Variants in CORO2B observed in about 807,000 individuals in gnomAD.
The protein encoded by CORO2B is coronin 2B.
In CORO2B, 26 loss-of-function variants were observed where a neutral mutation model predicts 58.8. The observed-to-expected ratio is 0.44, with a 90% confidence interval of 0.32 to 0.61. The LOEUF (loss-of-function observed/expected upper bound fraction) is 0.61. Among genes scored for constraint, CORO2B ranks in the 20% least tolerant of loss-of-function variants. The probability of loss-of-function intolerance (pLI) is 0.04; values close to 1 mark genes in which losing one functional copy is unlikely to be tolerated. For missense variants in CORO2B, 460 were observed against 645.1 expected, an observed-to-expected ratio of 0.71 and a Z score of 3.11; for synonymous variants, 242 against 253.8, an observed-to-expected ratio of 0.95 and a Z score of 0.44.
chr15:68,720,321 T>C (rs1481753909), intron 11 of CORO2B, among the ~76,000 whole-genome samples: 1 of 152,206 alleles, frequency 6.6e-6, no homozygotes, highest in Non-Finnish European at 1.5e-5. Flanking sequence ...AATTCATAAG[T>C]GTCTAGCACT....
intron 1 of CORO2B, among the ~76,000 whole-genome samples, chr15:68,614,150 G>A (rs904024323): frequency 1.3e-5 from 2 of 152,196 alleles, no homozygotes; most frequent in Admixed American, 6.5e-5. Flanking sequence ...TAGAATATAT[G>A]TCTCTGTGCC....
chr15:68,570,688 A>T, the CORO2B span, among the ~76,000 whole-genome samples: 1 of 151,906 alleles, frequency 6.6e-6, no homozygotes, highest in Non-Finnish European at 1.5e-5. Flanking sequence ...CACTGAGGGG[A>T]ATAGTCAGTG....
intron 1 of CORO2B, among the ~76,000 whole-genome samples, chr15:68,583,355 T>C (rs937624899): frequency 3.3e-5 from 5 of 152,178 alleles, no homozygotes; most frequent in African/African-American, 1.2e-4. Context: ...AGTTGTAACT[T>C]GCCCAAAGTC....
chr15:68,624,769 T>A (rs908311290), intron 1 of CORO2B, among the ~76,000 whole-genome samples: 1 of 152,088 alleles, frequency 6.6e-6, no homozygotes, highest in African/African-American at 2.4e-5. Flanking sequence ...CTCGGCTCAC[T>A]GCAACCTCCA....
At chr15:68,611,787 T>C (rs1900254560) in intron 1 of CORO2B, among the ~76,000 whole-genome samples, 1 of 151,936 alleles carries the variant, frequency 6.6e-6, no homozygotes, top group Admixed American at 6.6e-5. Flanking sequence ...TTTTTTTTTT[T>C]TTGAGACAAG....
At chr15:68,601,311 A>G (rs1595960961) in intron 1 of CORO2B, among the ~76,000 whole-genome samples, 1 of 152,068 alleles carries the variant, frequency 6.6e-6, no homozygotes, top group African/African-American at 2.4e-5. Flanking sequence ...CGGGGACAGG[A>G]TGGGGTTGGC....
intron 2 of CORO2B, among the ~76,000 whole-genome samples, chr15:68,656,304 A>G (rs1168878507): frequency 2.0e-5 from 3 of 151,850 alleles, no homozygotes; most frequent in Non-Finnish European, 4.4e-5. Context: ...TGACATCAGC[A>G]TCACATAGCA....
At chr15:68,607,028 C>T (rs1900141512) in intron 1 of CORO2B, among the ~76,000 whole-genome samples, 1 of 152,162 alleles carries the variant, frequency 6.6e-6, no homozygotes. Context: ...TGAGTCTCCC[C>T]TGGTTTTCTC....
At chr15:68,700,885 G>T (rs1182321414) in intron 3 of CORO2B, among the ~76,000 whole-genome samples, 2 of 152,072 alleles carry the variant, frequency 1.3e-5, no homozygotes, top group African/African-American at 2.4e-5. Context: ...AGAGGCAGGC[G>T]CCTCTTGCTG....
intron 1 of CORO2B, among the ~76,000 whole-genome samples, chr15:68,613,509 G>T (rs1900285884): frequency 6.6e-6 from 1 of 152,166 alleles, no homozygotes; most frequent in African/African-American, 2.4e-5. Flanking sequence ...TCCCCTGGTG[G>T]CTGGCAAGGT....
intron 2 of CORO2B, among the ~76,000 whole-genome samples, chr15:68,675,443 G>C (rs1293038838): frequency 1.3e-5 from 2 of 152,192 alleles, no homozygotes; most frequent in African/African-American, 4.8e-5. Flanking sequence ...CTTCTAGGCA[G>C]AGGAGGGGTA....
chr15:68,659,303 C>G (rs1397563102), intron 2 of CORO2B, among the ~76,000 whole-genome samples: 1 of 152,246 alleles, frequency 6.6e-6, no homozygotes, highest in Non-Finnish European at 1.5e-5. Flanking sequence ...TCCCCCAAAA[C>G]TTAACTCTGC....
chr15:68,606,259 A>C (rs903109431), intron 1 of CORO2B, among the ~76,000 whole-genome samples: 2 of 152,210 alleles, frequency 1.3e-5, no homozygotes, highest in African/African-American at 4.8e-5. Context: ...AGCCCTAAGC[A>C]TGAATGACCT....
chr15:68,650,519 G>A (rs1261455227), intron 2 of CORO2B, among the ~76,000 whole-genome samples: 2 of 152,184 alleles, frequency 1.3e-5, no homozygotes, highest in African/African-American at 4.8e-5. Flanking sequence ...GGCTGAGGCC[G>A]GAGAATCGCT....
chr15:68,531,756 T>C, the CORO2B span, among the ~76,000 whole-genome samples: 1 of 151,822 alleles, frequency 6.6e-6, no homozygotes, highest in Admixed American at 6.6e-5. Context: ...TGCTCTCTAT[T>C]GTTTTAAGTA....
intron 11 of CORO2B, among the ~76,000 whole-genome samples, chr15:68,719,887 G>A (rs1386252833): frequency 2.0e-5 from 3 of 152,324 alleles, no homozygotes; most frequent in South Asian, 2.1e-4. Context: ...GCCCGGCCTC[G>A]TGTATCACAG....
At chr15:68,532,142 T>C in the CORO2B span, among the ~76,000 whole-genome samples, 1 of 152,144 alleles carries the variant, frequency 6.6e-6, no homozygotes, top group Admixed American at 6.5e-5. Context: ...GGGTTTTTTG[T>C]TTTTGTTTTG....
At chr15:68,582,353 G>A (rs1387614805) in intron 1 of CORO2B, among the ~76,000 whole-genome samples, 1 of 152,194 alleles carries the variant, frequency 6.6e-6, no homozygotes, top group East Asian at 1.9e-4. Context: ...AAAGAGTGGA[G>A]GGAAGGAAGG....
At chr15:68,545,611 G>GGGGGGGGGGAAGA in the CORO2B span, among the ~76,000 whole-genome samples, 1 of 69,312 alleles carries the variant, frequency 1.4e-5, no homozygotes, top group African/African-American at 5.6e-5. Context: ...AATGCGGGGG[G>GGGGGGGGGGAAGA]CGGGGGGGGT....
Sources: gnomAD v4.1 joint callset for allele counts (sites outside exome capture counted in the v4.1 genomes callset) on GRCh38, gnomAD v4.1.1 for gene constraint, MANE v1.5 for transcripts, NCBI Gene and HGNC (gene_info 2026-07-23, HGNC 2026-07-21) for gene names.